CCSER1: variants seen among roughly 807,000 people sequenced by gnomAD.
CCSER1 encodes coiled-coil serine rich protein 1, also known as serine-rich coiled-coil domain-containing protein 1.
CCSER1 carries 41 observed loss-of-function variants against 82.0 expected under a neutral mutation model. The ratio of observed to expected loss-of-function variants is 0.50; its 90% CI spans 0.39 to 0.65. CCSER1 has a LOEUF of 0.65. Among genes scored for constraint, CCSER1 ranks in the 30% least tolerant of loss-of-function variants. The pLI is 0.00. For synonymous variants in CCSER1, 414 were observed against 383.9 expected (o/e 1.08, Z -0.92); for missense variants, 1,119 against 1,064.2 (o/e 1.05, Z -0.72).
chr4:91,541,094 C>T (rs1224904914), intron 10 of CCSER1, among the ~76,000 whole-genome samples: 1 of 152,098 alleles, frequency 6.6e-6, no homozygotes, highest in Non-Finnish European at 1.5e-5. Flanking sequence ...ACTGTTATTT[C>T]TATTGAGATT....
At chr4:90,900,936 A>G (rs1724546956) in intron 8 of CCSER1, among the ~76,000 whole-genome samples, 1 of 151,800 alleles carries the variant, frequency 6.6e-6, no homozygotes, top group Admixed American at 6.6e-5. Context: ...CTCTTGGTCT[A>G]GTAGTATTTG....
At chr4:91,082,202 G>A (rs967692778) in intron 9 of CCSER1, among the ~76,000 whole-genome samples, 5 of 152,128 alleles carry the variant, frequency 3.3e-5, no homozygotes, top group Non-Finnish European at 7.4e-5. Context: ...GCATGGTACT[G>A]GTACCAAAAC....
At chr4:90,276,845 T>G (rs955254157) in intron 1 of CCSER1, among the ~76,000 whole-genome samples, 17 of 151,906 alleles carry the variant, frequency 1.1e-4, no homozygotes, top group African/African-American at 4.1e-4. Flanking sequence ...TAATGTTTTG[T>G]TTTTTTTGTA....
At chr4:90,882,627 A>C (rs1051571154) in intron 8 of CCSER1, among the ~76,000 whole-genome samples, 3 of 152,064 alleles carry the variant, frequency 2.0e-5, no homozygotes, top group African/African-American at 7.2e-5. Flanking sequence ...ATACTTTTAT[A>C]ACTGAGCTCT....
At chr4:90,413,742 T>G (rs1755264527) in intron 4 of CCSER1, among the ~76,000 whole-genome samples, 1 of 149,680 alleles carries the variant, frequency 6.7e-6, no homozygotes, top group Non-Finnish European at 1.5e-5. Context: ...GATCACGAGG[T>G]CAGGAGATCA....
At chr4:90,599,424 T>C (rs1379587977) in intron 5 of CCSER1, among the ~76,000 whole-genome samples, 10 of 152,168 alleles carry the variant, frequency 6.6e-5, no homozygotes, top group South Asian at 2.1e-4. Context: ...GCTATGATTG[T>C]AAGTTTCCTG....
chr4:90,954,568 A>G (rs2150360755), intron 9 of CCSER1, among the ~76,000 whole-genome samples: 1 of 152,264 alleles, frequency 6.6e-6, no homozygotes, highest in Middle Eastern at 3.4e-3. Context: ...ATATTATTCC[A>G]TGGTAGTTCA....
chr4:91,538,842 T>C (rs1560747662), intron 10 of CCSER1, among the ~76,000 whole-genome samples: 2 of 151,762 alleles, frequency 1.3e-5, no homozygotes, highest in African/African-American at 4.8e-5. Context: ...CAGGGAAGGC[T>C]GATGCAAACC....
intron 3 of CCSER1, among the ~76,000 whole-genome samples, chr4:90,341,210 C>A (rs1270009050): frequency 6.6e-6 from 1 of 152,074 alleles, no homozygotes; most frequent in Non-Finnish European, 1.5e-5. Flanking sequence ...AACAGAATAG[C>A]ATCTTTACTG....
intron 10 of CCSER1, among the ~76,000 whole-genome samples, chr4:91,213,311 C>A (rs1736984913): frequency 6.6e-6 from 1 of 151,814 alleles, no homozygotes; most frequent in Admixed American, 6.6e-5. Context: ...TGTCTGGGTA[C>A]TGGGAAAAAC....
intron 10 of CCSER1, among the ~76,000 whole-genome samples, chr4:91,520,860 T>C (rs1463064922): frequency 6.6e-6 from 1 of 152,184 alleles, no homozygotes; most frequent in Non-Finnish European, 1.5e-5. Context: ...TGGAAAATAC[T>C]GCTCTAAGTT....
At chr4:90,688,664 G>A (rs1735256734) in intron 6 of CCSER1, among the ~76,000 whole-genome samples, 1 of 152,028 alleles carries the variant, frequency 6.6e-6, no homozygotes, top group Admixed American at 6.6e-5. Flanking sequence ...TGTGTCTCCT[G>A]TGAGCCTGTT....
chr4:90,903,044 T>A (rs1724899462), intron 8 of CCSER1, among the ~76,000 whole-genome samples: 1 of 152,158 alleles, frequency 6.6e-6, no homozygotes, highest in South Asian at 2.1e-4. Flanking sequence ...AGGTACACCC[T>A]TTGGCTGCTA....
chr4:91,101,333 A>G (rs934145692), intron 10 of CCSER1, among the ~76,000 whole-genome samples: 5 of 152,274 alleles, frequency 3.3e-5, no homozygotes, highest in African/African-American at 1.2e-4. Context: ...ACATACACAC[A>G]TAAGTTAAAC....
chr4:90,944,231 C>CAA (rs36064861), intron 9 of CCSER1, among the ~76,000 whole-genome samples: 19,009 of 106,532 alleles, frequency 0.18, 1,807 homozygotes, highest in East Asian at 0.41. Context: ...GACTCCGCCT[C>CAA]AAAAAAAAAA....
At chr4:90,529,055 A>G (rs559789826) in intron 5 of CCSER1, among the ~76,000 whole-genome samples, 10 of 151,958 alleles carry the variant, frequency 6.6e-5, no homozygotes, top group Admixed American at 5.9e-4. Context: ...GACTAAATTT[A>G]TATTTGGTAA....
Position 91,604,182 on chromosome 4 carries a change from A to C in CCSER1, c.*5125A>C, listed in dbSNP as rs2110371361. 6.6e-6 allele frequency: 1 copy of C among 152,124 alleles called. No homozygotes were observed. The highest frequency in any genetic ancestry group is 2.1e-4 in the South Asian group (1 of 4,822). The allele number at this position is 152,124 out of a possible 1,614,324, so 9.4% of individuals were successfully genotyped here. A position where few individuals can be genotyped will look rare whatever the true frequency, so the allele number is the denominator to read the frequency against. On this transcript the variant is annotated 3_prime_UTR_variant, in exon 11 of 11. Coordinates refer to ENST00000509176, the MANE Select transcript of CCSER1 (RefSeq NM_001145065.2). ...GACACACAACATGCATTTTTAATTA[A>C]ATTGGATTTAATAACCCTTGAACTT... is the stretch of plus-strand genomic sequence containing the variant.
At chr4:90,405,202 G>C (rs1753539539) in intron 4 of CCSER1, among the ~76,000 whole-genome samples, 1 of 151,910 alleles carries the variant, frequency 6.6e-6, no homozygotes. Flanking sequence ...AGGACACACA[G>C]AAATGCAAAA....
chr4:90,430,518 G>A lies in CCSER1; in HGVS notation c.1603+30389G>A, dbSNP rs118006259. Among the ~76,000 whole-genome samples the A allele has an allele frequency of 1.3e-4, 19 of 151,898 alleles. No homozygotes were observed. The East Asian group carries it at 2.3e-3, about 19-fold the overall frequency. ...TGTAAAATAAAATATATTGCATAGC[G>A]AATTCTAATTTTATTGACACTTCTT... On this transcript the variant is annotated intron_variant, in intron 4 of 10. Transcript: ENST00000509176.
Sources: gnomAD v4.1 joint callset for allele counts (sites outside exome capture counted in the v4.1 genomes callset) on GRCh38, gnomAD v4.1.1 for gene constraint, MANE v1.5 for transcripts, NCBI Gene and HGNC (gene_info 2026-07-23, HGNC 2026-07-21) for gene names.